The following ZFYVE28 variants were observed in gnomAD, a reference collection of about 807,000 sequenced individuals.
ZFYVE28 encodes the protein zinc finger FYVE-type containing 28, also known as lateral signaling target protein 2 homolog.
A neutral mutation model predicts 82.1 loss-of-function variants in ZFYVE28; 40 were observed. The ratio of observed to expected loss-of-function variants is 0.49; its 90% CI spans 0.38 to 0.63. The LOEUF is 0.63. Ranked by LOEUF, ZFYVE28 falls within the 30% of genes least tolerant of loss-of-function variation. The pLI, the probability that ZFYVE28 is intolerant of heterozygous loss-of-function variation, is 0.00. For missense variants in ZFYVE28, 1,321 were observed against 1,242.1 expected (o/e 1.06, Z -0.96); for synonymous variants, 612 against 546.1 (o/e 1.12, Z -1.68).
chr4:2,387,622 A>G (rs1381604394), intron 1 of ZFYVE28, among the ~76,000 whole-genome samples: 1 of 152,190 alleles, frequency 6.6e-6, no homozygotes, highest in Non-Finnish European at 1.5e-5. Flanking sequence ...CCATCCTCTA[A>G]GCACACCCAG....
chr4:2,288,204 C>T (rs1197533882), intron 8 of ZFYVE28, among the ~76,000 whole-genome samples: 1 of 152,190 alleles, frequency 6.6e-6, no homozygotes, highest in East Asian at 1.9e-4. Context: ...GCCCTGAGTC[C>T]ATGAAGGCCC....
intron 1 of ZFYVE28, among the ~76,000 whole-genome samples, chr4:2,395,342 T>A (rs532216898): frequency 1.3e-5 from 2 of 152,188 alleles, no homozygotes; most frequent in East Asian, 3.9e-4. Flanking sequence ...AACTACACTG[T>A]TTCTCATCCA....
chr4:2,407,078 T>C (rs1732003772), intron 1 of ZFYVE28, among the ~76,000 whole-genome samples: 1 of 151,474 alleles, frequency 6.6e-6, no homozygotes, highest in South Asian at 2.1e-4. Flanking sequence ...CTCCCCAAGG[T>C]GACTGCTGCT....
intron 8 of ZFYVE28, chr4:2,285,355 C>G (rs569146349): frequency 2.6e-5 from 4 of 152,408 alleles, no homozygotes; most frequent in African/African-American, 7.2e-5. Flanking sequence ...TGCCGCGGTG[C>G]TTCGTCACAG....
intron 1 of ZFYVE28, among the ~76,000 whole-genome samples, chr4:2,370,094 C>A (rs549467190): frequency 9.2e-5 from 14 of 151,882 alleles, no homozygotes; most frequent in Non-Finnish European, 1.9e-4. Flanking sequence ...GTGATCCGCC[C>A]GCCTTAGCCT....
At position 2,335,876 on chromosome 4, in the gene ZFYVE28, G is replaced by A. The variant is rs599642; in HGVS notation, c.612-82C>T. On this transcript the variant is annotated intron_variant, in intron 5 of 12. Transcript: ENST00000290974. The surrounding 1 kb of genome is among the most constrained non-coding windows in gnomAD (Gnocchi z 5.8). Reference sequence around the variant, plus strand: ...TTGGACCCCAGCAGGGACAGGCAGTGCGCTCAATCTGTACCTGCAGCCACG... The same window carrying A: ...TTGGACCCCAGCAGGGACAGGCAGTACGCTCAATCTGTACCTGCAGCCACG... The A allele has an allele frequency of 2.5e-6, 3 of 1,218,578 alleles. No homozygotes were observed. The African/African-American group carries it at 4.5e-5, about 18-fold the overall frequency. 75.5% of individuals were successfully genotyped at this position (1,218,578 alleles called of 1,614,324 possible).
intron 1 of ZFYVE28, among the ~76,000 whole-genome samples, chr4:2,387,734 AG>A (rs1310171610): frequency 1.3e-5 from 2 of 152,204 alleles, no homozygotes; most frequent in African/African-American, 4.8e-5. Context: ...AACAAAAAGA[AG>A]GGGGAAGTTA....
chr4:2,341,651 T>C lies in ZFYVE28; in HGVS notation c.181-36A>G, dbSNP rs772789239. The C allele has an allele frequency of 1.5e-5, 24 of 1,591,340 alleles. No individual in the cohort carries two copies. The South Asian group carries it at 2.1e-4, about 14-fold the overall frequency. ...AGACAGGAGAAAGTGCGCCAATCGC[T>C]GTGTCCAGCTGGCGGCCGCCATGTA... On this transcript the variant is annotated intron_variant, in intron 2 of 12. Transcript: ENST00000290974. The surrounding 1 kb of genome is among the most constrained non-coding windows in gnomAD (Gnocchi z 4.5).
chr4:2,391,700 T>G (rs1287816429), intron 1 of ZFYVE28, among the ~76,000 whole-genome samples: 3 of 151,248 alleles, frequency 2.0e-5, no homozygotes, highest in Non-Finnish European at 4.4e-5. Flanking sequence ...ATCTATAAAT[T>G]TGACAGTTCT....
At chr4:2,387,386 G>C (rs188461775) in intron 1 of ZFYVE28, among the ~76,000 whole-genome samples, 9 of 152,244 alleles carry the variant, frequency 5.9e-5, no homozygotes, top group African/African-American at 2.2e-4. Context: ...CACTTGGCCT[G>C]CTTGCCCTCC....
chr4:2,398,584 G>A (rs1157949783), intron 1 of ZFYVE28, among the ~76,000 whole-genome samples: 1 of 152,240 alleles, frequency 6.6e-6, no homozygotes, highest in Middle Eastern at 3.4e-3. Flanking sequence ...GAGATCCAGG[G>A]CACAAGGTGG....
intron 1 of ZFYVE28, among the ~76,000 whole-genome samples, chr4:2,366,537 G>A (rs1368915312): frequency 6.6e-6 from 1 of 152,264 alleles, no homozygotes; most frequent in Non-Finnish European, 1.5e-5. Flanking sequence ...GGAGGGGCAG[G>A]TGAAGGGTGG....
chr4:2,402,349 C>A (rs1174173805), intron 1 of ZFYVE28, among the ~76,000 whole-genome samples: 1 of 152,178 alleles, frequency 6.6e-6, no homozygotes, highest in African/African-American at 2.4e-5. Context: ...CGCCATCAGA[C>A]ACCATCTCCC....
chr4:2,322,424 C>G (rs1719223827), intron 6 of ZFYVE28, among the ~76,000 whole-genome samples: 1 of 151,532 alleles, frequency 6.6e-6, no homozygotes, highest in Non-Finnish European at 1.5e-5. Flanking sequence ...GTAAGCAGCA[C>G]CCACTGGTGA....
At chr4:2,403,021 G>A (rs1731364564) in intron 1 of ZFYVE28, among the ~76,000 whole-genome samples, 1 of 152,236 alleles carries the variant, frequency 6.6e-6, no homozygotes, top group African/African-American at 2.4e-5. Flanking sequence ...CATTATCCGT[G>A]TTTGAGGAAA....
chr4:2,303,970 C>T (rs1716053949), intron 8 of ZFYVE28, among the ~76,000 whole-genome samples: 2 of 152,236 alleles, frequency 1.3e-5, no homozygotes. Flanking sequence ...GCGGGATGGG[C>T]CGGGGCTGCG....
rs1392225083 is a variant in ZFYVE28 at position 2,417,326 on chromosome 4, C to G, written c.39+959G>C. ...CCTGCGCCGGGATCCTGAACACCGC[C>G]GCGCCTTCATCCCGCGCCGAGCGCG... On this transcript the variant is annotated intron_variant, in intron 1 of 12. Coordinates refer to ENST00000290974, the MANE Select transcript of ZFYVE28 (RefSeq NM_020972.3). This position sits in a 1 kb window ranked among gnomAD's most constrained non-coding sequence, Gnocchi z 4.8. 1.3e-5 allele frequency among the ~76,000 whole-genome samples: 2 copies of G among 152,006 alleles called. No homozygotes were observed. The highest frequency in any genetic ancestry group is 2.9e-5 in the Non-Finnish European group (2 of 67,946).
At chr4:2,370,592 G>A (rs548949584) in intron 1 of ZFYVE28, among the ~76,000 whole-genome samples, 1 of 152,310 alleles carries the variant, frequency 6.6e-6, no homozygotes, top group Admixed American at 6.5e-5. Flanking sequence ...AATCCTGCCG[G>A]CCCAGGGCCC....
chr4:2,329,978 G>A (rs1452076023), intron 6 of ZFYVE28, among the ~76,000 whole-genome samples: 1 of 152,216 alleles, frequency 6.6e-6, no homozygotes, highest in Non-Finnish European at 1.5e-5. Context: ...CACTCAGGAT[G>A]CATCCGTGAA....
Sources: gnomAD v4.1 joint callset for allele counts (sites outside exome capture counted in the v4.1 genomes callset) on GRCh38, gnomAD v4.1.1 for gene constraint, Gnocchi (gnomAD v3.1) non-coding constraint, MANE v1.5 for transcripts, NCBI Gene and HGNC (gene_info 2026-07-23, HGNC 2026-07-21) for gene names.